The following MKLN1 variants were observed in gnomAD, a reference collection of about 807,000 sequenced individuals.
MKLN1 encodes muskelin.
Under a neutral mutation model 99.0 loss-of-function variants are expected in MKLN1, and 18 were observed. The ratio of observed to expected loss-of-function variants is 0.18; its 90% CI spans 0.13 to 0.27. The LOEUF (loss-of-function observed/expected upper bound fraction) is 0.27. MKLN1 is among the 10% of genes least tolerant of loss of function. MKLN1 has a pLI of 1.00. For synonymous variants in MKLN1, 288 were observed against 293.2 expected (o/e 0.98, Z 0.18); for missense variants, 621 against 875.9 (o/e 0.71, Z 3.67).
intron 2 of MKLN1, among the ~76,000 whole-genome samples, chr7:131,172,285 C>T (rs927065425): frequency 2.7e-4 from 40 of 150,212 alleles, no homozygotes; most frequent in South Asian, 1.5e-3. Context: ...GGACTACAGG[C>T]GCCTGCCACA....
chr7:131,424,491 C>T (rs1054512403), intron 8 of MKLN1, among the ~76,000 whole-genome samples: 2 of 152,094 alleles, frequency 1.3e-5, no homozygotes, highest in Non-Finnish European at 2.9e-5. Flanking sequence ...ACAGATATTG[C>T]ACTTGGGCAC....
chr7:131,128,452 G>A (rs1334594518), intron 1 of MKLN1, among the ~76,000 whole-genome samples: 1 of 152,136 alleles, frequency 6.6e-6, no homozygotes, highest in Non-Finnish European at 1.5e-5. Context: ...GCTGAAGCAG[G>A]AGAATCACTT....
intron 1 of MKLN1, chr7:131,328,204 G>T: frequency 1.6e-6 from 1 of 611,334 alleles, no homozygotes; most frequent in Non-Finnish European, 2.8e-6. Context: ...CGAGCCCAGG[G>T]AGAAGGGGCG....
rs1290773510 is a variant in MKLN1, at chr7:131,161,933, A to G, written c.-297+18992A>G. On this transcript the variant is annotated intron_variant, in intron 2 of 7. Transcript: ENST00000416992. ...TTTTAATAGTATGTTATATATACAT[A>G]TATACACATATATATACGTGTGTGT... Among the ~76,000 whole-genome samples the G allele has an allele frequency of 1.1e-4, 16 of 142,656 alleles. No individual in the cohort carries two copies. The Admixed American group carries it at 1.2e-3, about 10-fold the overall frequency. 93.6% of individuals were successfully genotyped at this position (142,656 alleles called of 152,430 possible). A position where few individuals can be genotyped will look rare whatever the true frequency, so the allele number is the denominator to read the frequency against.
intron 2 of MKLN1, among the ~76,000 whole-genome samples, chr7:131,191,872 CCTGA>C (rs1173605689): frequency 2.1e-4 from 31 of 149,964 alleles, no homozygotes; most frequent in African/African-American, 5.6e-4. Flanking sequence ...TGCCACCATG[CCTGA>C]CTATTTTTTT....
intron 3 of MKLN1, chr7:131,243,028 T>TA: frequency 7.1e-6 from 4 of 561,504 alleles, no homozygotes; most frequent in South Asian, 3.0e-5. Context: ...CATTAAAAAT[T>TA]AAACAGAAAA....
intron 3 of MKLN1, among the ~76,000 whole-genome samples, chr7:131,290,423 C>G (rs1242852967): frequency 1.3e-5 from 2 of 152,272 alleles, no homozygotes; most frequent in South Asian, 2.1e-4. Context: ...TGTTTTTCAC[C>G]TATCTCTCCC....
intron 1 of MKLN1, among the ~76,000 whole-genome samples, chr7:131,359,995 C>A (rs184840690): frequency 2.0e-5 from 3 of 152,050 alleles, no homozygotes; most frequent in Non-Finnish European, 4.4e-5. Context: ...ATGATCCACC[C>A]GCCTCGGCCT....
intron 1 of MKLN1, among the ~76,000 whole-genome samples, chr7:131,355,179 C>A (rs550086759): frequency 1.2e-4 from 18 of 152,280 alleles, no homozygotes; most frequent in Admixed American, 3.3e-4. Flanking sequence ...TATGCTTTAA[C>A]ATCTGACAGG....
chr7:131,341,180 A>G (rs950746435), intron 1 of MKLN1, among the ~76,000 whole-genome samples: 3 of 150,770 alleles, frequency 2.0e-5, no homozygotes, highest in African/African-American at 7.3e-5. Flanking sequence ...TTTTTTTTTT[A>G]ATGTAACAGT....
chr7:131,358,836 T>C (rs1799950933), intron 1 of MKLN1, among the ~76,000 whole-genome samples: 1 of 152,198 alleles, frequency 6.6e-6, no homozygotes, highest in South Asian at 2.1e-4. Flanking sequence ...ATTATCTGTT[T>C]AATATCCAAG....
intron 3 of MKLN1, among the ~76,000 whole-genome samples, chr7:131,234,616 G>A (rs1406504861): frequency 6.6e-6 from 1 of 152,216 alleles, no homozygotes; most frequent in African/African-American, 2.4e-5. Flanking sequence ...TAGGGATGAT[G>A]TGTGATACTG....
intron 3 of MKLN1, among the ~76,000 whole-genome samples, chr7:131,273,773 G>A (rs1253368808): frequency 6.6e-6 from 1 of 151,838 alleles, no homozygotes; most frequent in East Asian, 1.9e-4. Context: ...TACAGCGTGT[G>A]CCACCATGTC....
rs1199832604 is a variant in MKLN1, at chr7:131,496,020, A to C, written c.*8292A>C. On this transcript the variant is annotated 3_prime_UTR_variant, in exon 18 of 18. Transcript: ENST00000352689. ...CAGACAAAATGAACATGAAGCAAGGAGTCCATAAAACAAGAGTTCTTTACC... is the reference window on the plus strand; with the variant it reads ...CAGACAAAATGAACATGAAGCAAGGCGTCCATAAAACAAGAGTTCTTTACC... 6.6e-6 allele frequency: 1 copy of C among 151,306 alleles called. No individual in the cohort carries two copies. Among genetic ancestry groups the C allele is most frequent in the Non-Finnish European group, 1.5e-5 (1 of 68,040 alleles). The allele number at this position is 151,306 out of a possible 1,614,324, so 9.4% of individuals were successfully genotyped here.
At chr7:131,134,016 G>T (rs1177308674) in intron 1 of MKLN1, among the ~76,000 whole-genome samples, 1 of 151,460 alleles carries the variant, frequency 6.6e-6, no homozygotes, top group East Asian at 1.9e-4. Context: ...TTTTAGTGGA[G>T]ACGGGGTTTC....
chr7:131,484,710 A>G (rs1797224958), intron 17 of MKLN1, among the ~76,000 whole-genome samples: 1 of 152,208 alleles, frequency 6.6e-6, no homozygotes, highest in Admixed American at 6.5e-5. Flanking sequence ...ATTTTAGTAC[A>G]GTGCTTAGAC....
chr7:131,354,375 C>T (rs544287584), intron 1 of MKLN1, among the ~76,000 whole-genome samples: 14 of 152,100 alleles, frequency 9.2e-5, no homozygotes, highest in Admixed American at 9.2e-4. Flanking sequence ...CCTTCATTTC[C>T]TTTAAAGCAA....
intron 8 of MKLN1, among the ~76,000 whole-genome samples, chr7:131,419,660 T>C (rs1430856585): frequency 6.6e-6 from 1 of 152,226 alleles, no homozygotes; most frequent in Non-Finnish European, 1.5e-5. Flanking sequence ...ATTATTGAAC[T>C]GATATTATTA....
At chr7:131,284,190 A>G (rs1384306718) in intron 3 of MKLN1, among the ~76,000 whole-genome samples, 1 of 152,222 alleles carries the variant, frequency 6.6e-6, no homozygotes, top group Non-Finnish European at 1.5e-5. Context: ...CGACTTGACT[A>G]GATTGCCTTC....
Sources: allele counts gnomAD v4.1 joint callset (sites outside exome capture counted in the v4.1 genomes callset), GRCh38; gene constraint gnomAD v4.1.1; transcripts MANE v1.5; gene names NCBI Gene and HGNC (gene_info 2026-07-23, HGNC 2026-07-21).